ZBTB20: variants seen among roughly 807,000 people sequenced by gnomAD.
ZBTB20 encodes zinc finger and BTB domain-containing protein 20.
ZBTB20 carries 9 observed loss-of-function variants against 56.9 expected under a neutral mutation model. The ratio of observed to expected loss-of-function variants is 0.16; its 90% CI spans 0.10 to 0.28. The LOEUF is 0.28. ZBTB20 is among the 10% of genes least tolerant of loss of function. The pLI is 1.00. For synonymous variants in ZBTB20, 417 were observed against 420.7 expected (o/e 0.99, Z 0.11); for missense variants, 655 against 1,003.0 (o/e 0.65, Z 4.69).
chr3:115,055,292 A>G (rs1181250008), intron 2 of ZBTB20, among the ~76,000 whole-genome samples: 2 of 151,042 alleles, frequency 1.3e-5, no homozygotes, highest in Non-Finnish European at 2.9e-5. Context: ...CCCTACAGAC[A>G]GGACTTTGTG....
At position 114,698,293 on chromosome 3, in the gene ZBTB20, A is replaced by G. The variant is rs561759368; in HGVS notation, c.-342-4718T>C. Among the ~76,000 whole-genome samples the G allele has an allele frequency of 1.2e-4, 18 of 152,278 alleles. No individual in the cohort carries two copies. In the South Asian group the frequency reaches 3.5e-3, roughly 30 times the overall value. ...GCTACAAATTGTTTGGCTGAACAAA[A>G]CAGCCCAATATAGGATAATAAAAGA... On this transcript the variant is annotated intron_variant, in intron 5 of 11. Coordinates refer to ENST00000675478, the MANE Select transcript of ZBTB20 (RefSeq NM_001348800.3).
At chr3:114,476,730 T>C (rs1303244625) in intron 7 of ZBTB20, among the ~76,000 whole-genome samples, 1 of 152,200 alleles carries the variant, frequency 6.6e-6, no homozygotes, top group Non-Finnish European at 1.5e-5. Context: ...GGCCCCACCT[T>C]CCAACACTGT....
chr3:114,565,534 T>A (rs1414739102), intron 6 of ZBTB20, among the ~76,000 whole-genome samples: 1 of 152,198 alleles, frequency 6.6e-6, no homozygotes, highest in African/African-American at 2.4e-5. Flanking sequence ...GCAAAAAGTT[T>A]ATTTTCTTTT....
At chr3:114,958,772 T>C (rs1481616300) in intron 3 of ZBTB20, among the ~76,000 whole-genome samples, 2 of 149,798 alleles carry the variant, frequency 1.3e-5, no homozygotes, top group Non-Finnish European at 3.0e-5. Flanking sequence ...CACTTGAAAC[T>C]AGGAAGCGGA....
chr3:115,045,561 A>AG (rs1042639965), intron 2 of ZBTB20, among the ~76,000 whole-genome samples: 2 of 151,962 alleles, frequency 1.3e-5, no homozygotes, highest in African/African-American at 2.4e-5. Context: ...GCCTCCTTAA[A>AG]GAAAAAAAAA....
intron 5 of ZBTB20, among the ~76,000 whole-genome samples, chr3:114,753,648 G>A (rs2067778471): frequency 6.6e-6 from 1 of 151,722 alleles, no homozygotes; most frequent in African/African-American, 2.4e-5. Flanking sequence ...TGGCCAGGCT[G>A]GTCTCAAACT....
At chr3:115,143,623 T>C (rs553473366) in intron 1 of ZBTB20, among the ~76,000 whole-genome samples, 1 of 152,344 alleles carries the variant, frequency 6.6e-6, no homozygotes, top group East Asian at 1.9e-4. Context: ...TTTACCATAC[T>C]TTGCTAACGG....
At chr3:114,474,372 C>G (rs1367094712) in intron 7 of ZBTB20, among the ~76,000 whole-genome samples, 1 of 152,218 alleles carries the variant, frequency 6.6e-6, no homozygotes, top group Admixed American at 6.5e-5. Context: ...TATCTGCACA[C>G]CACTTATGTG....
chr3:114,922,941 G>A (rs957615363), intron 3 of ZBTB20, among the ~76,000 whole-genome samples: 2 of 152,102 alleles, frequency 1.3e-5, no homozygotes, highest in South Asian at 2.1e-4. Context: ...TGAGGTTTGT[G>A]GGGACAGATA....
At position 114,316,546 on chromosome 3, in the gene ZBTB20, T is replaced by C. The variant is rs2078692131; in HGVS notation, c.*22459A>G. On this transcript the variant is annotated 3_prime_UTR_variant, in exon 12 of 12. Coordinates refer to ENST00000675478, the MANE Select transcript of ZBTB20 (RefSeq NM_001348800.3). ...GATACATATAGGAAGTGTGTATACATTTATACATAATATAGTGTATATCGT... is the reference window on the plus strand; with the variant it reads ...GATACATATAGGAAGTGTGTATACACTTATACATAATATAGTGTATATCGT... The C allele has an allele frequency of 5.6e-6, 3 of 533,970 alleles. No homozygotes were observed. The highest frequency in any genetic ancestry group is 2.8e-5 in the South Asian group (2 of 71,364). 33.1% of individuals were successfully genotyped at this position (533,970 alleles called of 1,614,324 possible).
At position 114,766,489 on chromosome 3, in the gene ZBTB20, A is replaced by ATGTGTGTGTGTGTG. The variant is rs71297433; in HGVS notation, c.-343+34598_-343+34611dup. Reference sequence around the variant, plus strand: ...AAAAGGATTCAATAGTGGGATGGAAATGTGTGTGTGTGTGTGTGTGTGTGT... The same window carrying ATGTGTGTGTGTGTG: ...AAAAGGATTCAATAGTGGGATGGAAATGTGTGTGTGTGTGTGTGTGTGTGTGTGTGTGTGTGTGT... On this transcript the variant is annotated intron_variant, in intron 5 of 11. Coordinates refer to ENST00000675478, the MANE Select transcript of ZBTB20 (RefSeq NM_001348800.3). Among the ~76,000 whole-genome samples, 444 of 139,076 alleles carry ATGTGTGTGTGTGTG rather than the reference A, an allele frequency of 3.2e-3. 1 individual carries two copies. Among genetic ancestry groups the ATGTGTGTGTGTGTG allele is most frequent in the Middle Eastern group, 0.011 (3 of 262 alleles). The allele number at this position is 139,076 out of a possible 152,430, so 91.2% of individuals were successfully genotyped here. A position where few individuals can be genotyped will look rare whatever the true frequency, so the allele number is the denominator to read the frequency against.
chr3:114,939,183 C>T (rs1293651119), intron 3 of ZBTB20, among the ~76,000 whole-genome samples: 1 of 145,808 alleles, frequency 6.9e-6, no homozygotes, highest in Non-Finnish European at 1.5e-5. Context: ...ATTTTATTCC[C>T]GTTCTAGGAA....
intron 4 of ZBTB20, among the ~76,000 whole-genome samples, chr3:114,844,330 A>AATATAT (rs71146341): frequency 0.027 from 2,694 of 98,440 alleles, 100 homozygotes; most frequent in African/African-American, 0.048. Context: ...TACTGGAGTA[A>AATATAT]ATATATATAT....
chr3:114,605,680 G>A (rs1371333050), intron 6 of ZBTB20, among the ~76,000 whole-genome samples: 1 of 152,188 alleles, frequency 6.6e-6, no homozygotes, highest in Non-Finnish European at 1.5e-5. Flanking sequence ...ATAGCTGTGA[G>A]AGAACAGAGG....
At chr3:114,692,911 T>C (rs1005010656) in intron 6 of ZBTB20, among the ~76,000 whole-genome samples, 4 of 152,160 alleles carry the variant, frequency 2.6e-5, no homozygotes, top group South Asian at 2.1e-4. Context: ...TAAAAGAGGA[T>C]AGCCTTATTT....
chr3:114,724,855 T>C (rs935367586), intron 5 of ZBTB20, among the ~76,000 whole-genome samples: 8 of 152,182 alleles, frequency 5.3e-5, no homozygotes, highest in Non-Finnish European at 1.2e-4. Flanking sequence ...CAAATAGGAA[T>C]GGCTTTCACA....
At chr3:114,659,539 C>A (rs59015285) in intron 6 of ZBTB20, among the ~76,000 whole-genome samples, 3,771 of 152,200 alleles carry the variant, frequency 0.025, 146 homozygotes, top group African/African-American at 0.086. Flanking sequence ...AGCTCTGGGT[C>A]CAAATGTTTA....
chr3:114,404,147 C>T (rs1369406574), intron 7 of ZBTB20, among the ~76,000 whole-genome samples: 2 of 152,164 alleles, frequency 1.3e-5, no homozygotes, highest in Non-Finnish European at 2.9e-5. Context: ...TTTCCTTGTA[C>T]ACATGGACAA....
rs75300965 is a variant in ZBTB20 at position 114,847,419 on chromosome 3, G to A, written c.-416-46245C>T. Among the ~76,000 whole-genome samples the A allele has an allele frequency of 2.1e-3, 312 of 152,144 alleles. 10 individuals carry two copies. The East Asian group carries it at 0.052, about 25-fold the overall frequency. ...AAAAGCCTCCTGGAAATGGTAACAC[G>A]GCCTATTTATCCTGGGCTTTACTGG... On this transcript the variant is annotated intron_variant, in intron 4 of 11. Coordinates refer to ENST00000675478, the MANE Select transcript of ZBTB20 (RefSeq NM_001348800.3).
Sources: allele counts gnomAD v4.1 joint callset (sites outside exome capture counted in the v4.1 genomes callset), GRCh38; gene constraint gnomAD v4.1.1; transcripts MANE v1.5; gene names NCBI Gene and HGNC (gene_info 2026-07-23, HGNC 2026-07-21).